The following EGFL7 variants were observed in gnomAD, a reference collection of about 807,000 sequenced individuals.
The protein encoded by EGFL7 is epidermal growth factor-like protein 7.
A neutral mutation model predicts 37.1 loss-of-function variants in EGFL7; 48 were observed. The observed-to-expected ratio is 1.29, with a 90% CI of 1.03 to 1.65. The LOEUF (loss-of-function observed/expected upper bound fraction) is 1.65, where lower values mean the gene tolerates loss of function less well. EGFL7 is among the 40% of genes most tolerant of loss of function. The probability of loss-of-function intolerance (pLI) is 0.00; values close to 1 mark genes in which losing one functional copy is unlikely to be tolerated. For synonymous variants in EGFL7, 180 were observed against 156.8 expected (o/e 1.15, Z -1.10); for missense variants, 384 against 378.9 (o/e 1.01, Z -0.11).
intron 6 of EGFL7, 74 bp downstream of exon 6, chr9:136,669,795 G>A (rs1845723075): frequency 2.1e-6 from 3 of 1,454,146 alleles, no homozygotes; most frequent in East Asian, 2.5e-5. Flanking sequence ...CGCTCCTGCT[G>A]CTTTTCTTGA....
chr9:136,662,336 C>T (rs1454239149), upstream of EGFL7, among the ~76,000 whole-genome samples: 2 of 152,146 alleles, frequency 1.3e-5, no homozygotes, highest in Non-Finnish European at 2.9e-5. Context: ...TCACCATGGG[C>T]CTCAGGGACC....
At position 136,666,120 on chromosome 9, in the gene EGFL7, C is replaced by A. The variant is rs1845457872; in HGVS notation, c.-43+1335C>A. Among the ~76,000 whole-genome samples the A allele has an allele frequency of 6.8e-6, 1 of 148,024 alleles. No individual in the cohort carries two copies. The highest frequency in any genetic ancestry group is 1.5e-5 in the Non-Finnish European group (1 of 66,396). The stretch of plus-strand genomic sequence containing the variant: ...GGCCGGGGTCGCCGCGGCCCCTCGT[C>A]CGACCCGGCGCGACTCAGCGCCTCG... On this transcript the variant is annotated intron_variant, in intron 3 of 10. Coordinates refer to ENST00000308874, the MANE Select transcript of EGFL7 (RefSeq NM_016215.5). The surrounding 1 kb of genome is among the most constrained non-coding windows in gnomAD (Gnocchi z 6.8).
rs960440916 is a variant in EGFL7, at chr9:136,666,880, G to A, written c.-42-1361G>A. ...AATCTCCAGCCAGCTCTGCCCCCTC[G>A]ACAAACTCCTGCCCAAAAACTGCTG... On this transcript the variant is annotated intron_variant, in intron 3 of 10. Coordinates refer to ENST00000308874, the MANE Select transcript of EGFL7 (RefSeq NM_016215.5). The surrounding 1 kb of genome is among the most constrained non-coding windows in gnomAD (Gnocchi z 6.8). Among the ~76,000 whole-genome samples the A allele has an allele frequency of 1.3e-5, 2 of 151,728 alleles. No homozygotes were observed. Among genetic ancestry groups the A allele is most frequent in the African/African-American group, 2.4e-5 (1 of 41,272 alleles).
In EGFL7 at chr9:136,668,600, G is replaced by A. The variant is rs143961691; in HGVS notation, c.124G>A (p.Glu42Lys). ...CCGGGCTCACGGGGACCCTGTCTCC[G>A]AGTCGTTCGTGCAGCGTGTGTACCA... ...AVRAHGDPVS[E>K]SFVQRVYQPF... The change falls in exon 5 of 11, where the codon GAG becomes AAG. Residue 42 changes from glutamate to lysine, a missense_variant. Coordinates refer to ENST00000308874, the MANE Select transcript of EGFL7 (RefSeq NM_016215.5). 4.7e-5 allele frequency: 75 copies of A among 1,608,550 alleles called. No homozygotes were observed. The Middle Eastern group carries it at 4.9e-4, about 11-fold the overall frequency.
At position 136,666,263 on chromosome 9, in the gene EGFL7, C is replaced by G. The variant is rs987015712; in HGVS notation, c.-43+1478C>G. Among the ~76,000 whole-genome samples the G allele has an allele frequency of 1.7e-3, 254 of 151,764 alleles. No homozygotes were observed. The highest frequency in any genetic ancestry group is 5.8e-3 in the African/African-American group (242 of 41,514). On this transcript the variant is annotated intron_variant, in intron 3 of 10. Transcript: ENST00000308874. This position sits in a 1 kb window ranked among gnomAD's most constrained non-coding sequence, Gnocchi z 6.8. ...GCCTCTGCGCCCTCCCTCGTGGGCC[C>G]CGCGGTCCCCAGCCCTGCTCCCGCC...
rs1345012736 is a variant in EGFL7, at chr9:136,672,024, G to C, written c.735G>C (p.Gln245His). The part of the protein sequence containing the change: ...DPGSLLVHSF[Q>H]QLGRIDSLSE... ...GCAGCCTCCTGGTGCACTCCTTCCA[G>C]CAGCTCGGCCGCATCGACTCCCTGA... The change falls in exon 10 of 11, where the codon CAG becomes CAC. Residue 245 changes from glutamine to histidine, a missense_variant. Transcript: ENST00000308874. 7.8e-6 allele frequency: 12 copies of C among 1,544,704 alleles called. No individual in the cohort carries two copies. Among genetic ancestry groups the C allele is most frequent in the Non-Finnish European group, 1.0e-5 (12 of 1,146,852 alleles).
At position 136,668,609 on chromosome 9, in the gene EGFL7, G is replaced by C. The variant is rs771912424; in HGVS notation, c.133G>C (p.Val45Leu). 6.2e-7 allele frequency: 1 copy of C among 1,607,982 alleles called. No homozygotes were observed. Among genetic ancestry groups the C allele is most frequent in the Admixed American group, 1.7e-5 (1 of 59,994 alleles). ...CGGGGACCCTGTCTCCGAGTCGTTCGTGCAGCGTGTGTACCAGCCCTTCCT... is the reference window on the plus strand; with the variant it reads ...CGGGGACCCTGTCTCCGAGTCGTTCCTGCAGCGTGTGTACCAGCCCTTCCT... ...AHGDPVSESF[V>L]QRVYQPFLTT... Residue 45 changes from valine (V) to leucine (L), a missense_variant, in exon 5 of 11, where the codon GTG (valine) becomes CTG (leucine). Val to Leu is a conservative substitution (Grantham distance 32). Coordinates refer to ENST00000308874, the MANE Select transcript of EGFL7 (RefSeq NM_016215.5).
chr9:136,665,527 C>A (rs1391487553), intron 3 of EGFL7, among the ~76,000 whole-genome samples: 1 of 152,164 alleles, frequency 6.6e-6, no homozygotes, highest in African/African-American at 2.4e-5. Flanking sequence ...CCAGCGACCG[C>A]GCAGCGAGCG....
upstream of EGFL7, chr9:136,660,235 C>T (rs894323485): frequency 1.3e-5 from 2 of 152,470 alleles, no homozygotes; most frequent in African/African-American, 4.8e-5. Context: ...TCCAAGAACC[C>T]ATGTCTGTCC....
Position 136,672,552 on chromosome 9 carries a change from C to G in EGFL7, c.*266C>G, listed in dbSNP as rs888446320. On this transcript the variant is annotated 3_prime_UTR_variant, in exon 11 of 11. Coordinates refer to ENST00000308874, the MANE Select transcript of EGFL7 (RefSeq NM_016215.5). ...ATCCCAAGGCCAGGTGGGCCCTCAG[C>G]TGAGGGAAGGTACGAGCTCCCTGCT... The G allele has an allele frequency of 3.4e-6, 2 of 589,472 alleles. No individual in the cohort carries two copies. The highest frequency in any genetic ancestry group is 2.0e-5 in the South Asian group (1 of 49,048). The allele number at this position is 589,472 out of a possible 1,614,324, so 36.5% of individuals were successfully genotyped here. A position where few individuals can be genotyped will look rare whatever the true frequency, so the allele number is the denominator to read the frequency against.
rs1370830876 is a variant in EGFL7, at chr9:136,666,038, G to A, written c.-43+1253G>A. On this transcript the variant is annotated intron_variant, in intron 3 of 10. Coordinates refer to ENST00000308874, the MANE Select transcript of EGFL7 (RefSeq NM_016215.5). The surrounding 1 kb of genome is among the most constrained non-coding windows in gnomAD (Gnocchi z 6.8). ...CCGGGCCGGGAGAATGGGCCCAGCG[G>A]CCCCGGGAACCGGCTCCCCCTGCCG... Among the ~76,000 whole-genome samples the A allele has an allele frequency of 6.8e-6, 1 of 146,110 alleles. No homozygotes were observed. Among genetic ancestry groups the A allele is most frequent in the Non-Finnish European group, 1.5e-5 (1 of 65,752 alleles).
rs1845457523 is a variant in EGFL7, at chr9:136,666,114, C to T, written c.-43+1329C>T. On this transcript the variant is annotated intron_variant, in intron 3 of 10. Transcript: ENST00000308874. This position sits in a 1 kb window ranked among gnomAD's most constrained non-coding sequence, Gnocchi z 6.8. ...GGGGAGGGCCGGGGTCGCCGCGGCC[C>T]CTCGTCCGACCCGGCGCGACTCAGC... 6.8e-6 allele frequency among the ~76,000 whole-genome samples: 1 copy of T among 147,768 alleles called. No homozygotes were observed. Among genetic ancestry groups the T allele is most frequent in the South Asian group, 2.1e-4 (1 of 4,824 alleles).
rs1460083727 is a variant in EGFL7, at chr9:136,671,931, G to A, written c.642G>A (p.Leu214=). The A allele has an allele frequency of 1.3e-6, 2 of 1,507,214 alleles. No individual in the cohort carries two copies. The highest frequency in any genetic ancestry group is 2.8e-5 in the African/African-American group (2 of 72,130). The allele number at this position is 1,507,214 out of a possible 1,614,324, so 93.4% of individuals were successfully genotyped here. A position where few individuals can be genotyped will look rare whatever the true frequency, so the allele number is the denominator to read the frequency against. The change falls in exon 10 of 11, where the codon CTG becomes CTA. Residue 214 remains leucine, a synonymous_variant. Coordinates refer to ENST00000308874, the MANE Select transcript of EGFL7 (RefSeq NM_016215.5). ...QSRVDLLEEK[L]QLVLAPLHSL... is the part of the protein sequence containing the mutation. ...CTGCCCTTCTGCACCCACAGAAGCT[G>A]CAGCTGGTGCTGGCCCCACTGCACA...
intron 8 of EGFL7, chr9:136,670,698 A>G (rs4636297): frequency 0.66 from 507,518 of 769,306 alleles, 169,328 homozygotes; most frequent in East Asian, 0.86. Flanking sequence ...CGCATCGAAA[A>G]CGCCGCTGAG....
In EGFL7 at chr9:136,664,706, G is replaced by C. The variant is rs942043685; in HGVS notation, c.-122G>C. ...TCTCCAACCAGCAGCCCCCAGGACCGGGGAGGCACAGGTGGCCCCCACCAC... is the reference window on the plus strand; with the variant it reads ...TCTCCAACCAGCAGCCCCCAGGACCCGGGAGGCACAGGTGGCCCCCACCAC... On this transcript the variant is annotated 5_prime_UTR_variant, in exon 3 of 11. Transcript: ENST00000308874. The C allele has an allele frequency of 1.2e-4, 19 of 152,012 alleles. No homozygotes were observed. The highest frequency in any genetic ancestry group is 4.3e-4 in the African/African-American group (18 of 41,562). 9.4% of individuals were successfully genotyped at this position (152,012 alleles called of 1,614,324 possible).
At chr9:136,665,701 CGGGGCGGGGCCGCCAGGT>C (rs1200331810) in intron 3 of EGFL7, 70 of 43,468 alleles carry the variant, frequency 1.6e-3, no homozygotes, top group Non-Finnish European at 2.9e-3. Context: ...GCAATGGGGG[CGGGGCGGGGCCGCCAGGT>C]GGGGCGGGGC....
At position 136,669,638 on chromosome 9, in the gene EGFL7, C is replaced by A; in HGVS notation, c.230C>A (p.Pro77His). 6.2e-7 allele frequency: 1 copy of A among 1,611,384 alleles called. No individual in the cohort carries two copies. Among genetic ancestry groups the A allele is most frequent in the Non-Finnish European group, 8.5e-7 (1 of 1,179,492 alleles). ...TATAGGACCGCCTACCGCCGCAGCC[C>A]TGGGCTGGCCCCTGCCAGGCCTCGC... ...TIYRTAYRRS[P>H]GLAPARPRYA... The change falls in exon 6 of 11, where the codon CCT (proline) becomes CAT (histidine). Residue 77 changes from proline to histidine, a missense_variant. Coordinates refer to ENST00000308874, the MANE Select transcript of EGFL7 (RefSeq NM_016215.5).
Position 136,669,619 on chromosome 9 carries a change from A to T in EGFL7, c.211A>T (p.Thr71Ser), listed in dbSNP as rs1588242142. 1 of 1,610,556 alleles carries T rather than the reference A, an allele frequency of 6.2e-7. No homozygotes were observed. Among genetic ancestry groups the T allele is most frequent in the Non-Finnish European group, 8.5e-7 (1 of 1,179,182 alleles). ...ACSTYRTIYR[T>S]AYRRSPGLAP... ...CCCACCCCACAGAACCATCTATAGG[A>T]CCGCCTACCGCCGCAGCCCTGGGCT... Residue 71 changes from threonine to serine, a missense_variant, in exon 6 of 11, where the codon ACC becomes TCC. Coordinates refer to ENST00000308874, the MANE Select transcript of EGFL7 (RefSeq NM_016215.5).
chr9:136,671,138 T>C (rs942551330), intron 9 of EGFL7, 124 bp downstream of exon 9: 2 of 290,898 alleles, frequency 6.9e-6, no homozygotes, highest in South Asian at 2.9e-5. Flanking sequence ...ATCGGGGGGG[T>C]AGGCAGGCAG....
Sources: allele counts gnomAD v4.1 joint callset (sites outside exome capture counted in the v4.1 genomes callset), GRCh38; gene constraint gnomAD v4.1.1; non-coding constraint Gnocchi (gnomAD v3.1); transcripts MANE v1.5; gene names NCBI Gene and HGNC (gene_info 2026-07-23, HGNC 2026-07-21).